The following TACC2 variants were observed in gnomAD, a reference collection of about 807,000 sequenced individuals.
The protein encoded by TACC2 is transforming acidic coiled-coil containing protein 2.
In TACC2, 137 loss-of-function variants were observed where a neutral mutation model predicts 227.3. The observed-to-expected ratio is 0.60, with a 90% CI of 0.52 to 0.69. The LOEUF (loss-of-function observed/expected upper bound fraction) is 0.69. Ranked by LOEUF, TACC2 falls within the 30% of genes least tolerant of loss-of-function variation. The pLI, the probability that TACC2 is intolerant of heterozygous loss-of-function variation, is 0.00. For synonymous variants in TACC2, 1,523 were observed against 1,487.5 expected, an observed-to-expected ratio of 1.02 and a Z score of -0.55; for missense variants, 3,470 against 3,694.4, an observed-to-expected ratio of 0.94 and a Z score of 1.57.
chr10:122,249,817 G>A (rs1228577263), intron 22 of TACC2, among the ~76,000 whole-genome samples, 153 bp downstream of exon 22: 1 of 152,252 alleles, frequency 6.6e-6, no homozygotes, highest in Non-Finnish European at 1.5e-5. Flanking sequence ...CCTTCTAGAA[G>A]TTCCAATTTC....
chr10:122,055,831 C>A (rs1034065339), intron 3 of TACC2, among the ~76,000 whole-genome samples: 1 of 152,176 alleles, frequency 6.6e-6, no homozygotes, highest in Non-Finnish European at 1.5e-5. Flanking sequence ...TGTGCGTATG[C>A]GGGCAATAGG....
rs568345788 is a variant in TACC2, at chr10:122,029,224, T to C, written c.33+7210T>C. Among the ~76,000 whole-genome samples, 19 of 151,990 alleles carry C rather than the reference T, an allele frequency of 1.3e-4. No homozygotes were observed. The East Asian group carries it at 3.7e-3, about 30-fold the overall frequency. ...AGGAAGTTCTCTATTCCTAGTTTGC[T>C]GTGGGTTTTTATCATGAATGAGTGT... On this transcript the variant is annotated intron_variant, in intron 2 of 22. Coordinates refer to ENST00000369005, the MANE Select transcript of TACC2 (RefSeq NM_206862.4).
Position 122,249,544 on chromosome 10 carries a change from G to C in TACC2, c.8661G>C (p.Arg2887Ser). Reference protein sequence around the residue: ...LKVHAEEKLDRANAEIAQVRG... With the variant: ...LKVHAEEKLDSANAEIAQVRG... ...AATTCTGAGCTCCCTGTCTCCGCAGGGCCAATGCTGAGATTGCTCAGGTTC... is the reference window on the plus strand; with the variant it reads ...AATTCTGAGCTCCCTGTCTCCGCAGCGCCAATGCTGAGATTGCTCAGGTTC... The change falls in exon 22 of 23, where the codon AGG (arginine) becomes AGC (serine). Residue 2887 changes from arginine (R) to serine (S), a missense_variant and splice_region_variant. This residue lies in a region of TACC2 where 89 missense variants were observed against 91.4 expected (regional missense o/e 0.97). Coordinates refer to ENST00000369005, the MANE Select transcript of TACC2 (RefSeq NM_206862.4). 1 of 1,613,992 alleles carries C rather than the reference G, an allele frequency of 6.2e-7. No individual in the cohort carries two copies. The highest frequency in any genetic ancestry group is 8.5e-7 in the Non-Finnish European group (1 of 1,179,920).
At chr10:122,057,833 A>T (rs777116444) in intron 3 of TACC2, among the ~76,000 whole-genome samples, 1 of 152,124 alleles carries the variant, frequency 6.6e-6, no homozygotes, top group Admixed American at 6.6e-5. Context: ...TCTCAAAAAA[A>T]CAAAAACAAA....
intron 7 of TACC2, among the ~76,000 whole-genome samples, chr10:122,170,740 C>T (rs1021978413): frequency 6.6e-6 from 1 of 152,202 alleles, no homozygotes; most frequent in African/African-American, 2.4e-5. Context: ...TTGCTAGCGC[C>T]TCCAGGCCCT....
chr10:122,005,258 A>G (rs1954927294), intron 1 of TACC2, among the ~76,000 whole-genome samples: 2 of 150,966 alleles, frequency 1.3e-5, no homozygotes, highest in African/African-American at 4.9e-5. Flanking sequence ...AGTTTTTTGT[A>G]TTTTTAATAG....
At chr10:122,142,090 C>G (rs2090655003) in intron 6 of TACC2, among the ~76,000 whole-genome samples, 1 of 152,206 alleles carries the variant, frequency 6.6e-6, no homozygotes, top group Non-Finnish European at 1.5e-5. Context: ...TCTGTGAATC[C>G]ACTTTGCTGT....
Position 122,210,195 on chromosome 10 carries a change from C to G in TACC2, c.5972-202C>G. 1.6e-6 allele frequency: 1 copy of G among 612,592 alleles called. No individual in the cohort carries two copies. Among genetic ancestry groups the G allele is most frequent in the South Asian group, 2.0e-5 (1 of 50,614 alleles). The allele number at this position is 612,592 out of a possible 1,614,324, so 37.9% of individuals were successfully genotyped here. Reference sequence around the variant, plus strand: ...TCCTCATTGTACAGATGAGGGAACTCTGGGCGAACCTGGCCTGGGTCTTGA... The same window carrying G: ...TCCTCATTGTACAGATGAGGGAACTGTGGGCGAACCTGGCCTGGGTCTTGA... On this transcript the variant is annotated intron_variant, in intron 8 of 22. Transcript: ENST00000369005. This position sits in a 1 kb window ranked among gnomAD's most constrained non-coding sequence, Gnocchi z 4.6.
At chr10:122,126,352 T>C (rs1021497586) in intron 5 of TACC2, among the ~76,000 whole-genome samples, 6 of 45,440 alleles carry the variant, frequency 1.3e-4, no homozygotes, top group East Asian at 7.6e-4. Flanking sequence ...GTGTGTTTGA[T>C]GTTCAAATAG....
intron 1 of TACC2, chr10:121,994,800 T>C (rs908460884): frequency 6.6e-6 from 1 of 152,236 alleles, no homozygotes; most frequent in African/African-American, 2.4e-5. Flanking sequence ...GATAAAAGCA[T>C]TGCTTGTTTG....
intron 5 of TACC2, among the ~76,000 whole-genome samples, chr10:122,122,358 A>T (rs1565361991): frequency 2.6e-5 from 4 of 152,294 alleles, no homozygotes; most frequent in African/African-American, 4.8e-5. Flanking sequence ...TCCGTCTCAA[A>T]AAATAAATAA....
rs915433777 is a variant in TACC2 at position 122,249,610 on chromosome 10, C to G, written c.8727C>G (p.Ser2909Arg). ...AQQEQAAHQA[S>R]LRKEQLRVDA... is the part of the protein sequence containing the mutation. ...AGGAGCAAGCCGCCCACCAGGCCAG[C>G]CTGCGGAAGGAGCAGCTGCGAGTGG... Residue 2909 changes from serine (S) to arginine (R), a missense_variant, in exon 22 of 23, where the codon AGC becomes AGG. By Grantham distance (110) the Ser-to-Arg change is moderately radical. Coordinates refer to ENST00000369005, the MANE Select transcript of TACC2 (RefSeq NM_206862.4). 2 of 1,613,906 alleles carry G rather than the reference C, an allele frequency of 1.2e-6. No homozygotes were observed. The highest frequency in any genetic ancestry group is 1.7e-6 in the Non-Finnish European group (2 of 1,179,952).
In TACC2 at chr10:122,210,772, G is replaced by A. The variant is rs199969252; in HGVS notation, c.6347G>A (p.Gly2116Asp). 172 of 1,613,836 alleles carry A rather than the reference G, an allele frequency of 1.1e-4. No homozygotes were observed. The highest frequency in any genetic ancestry group is 1.4e-4 in the Non-Finnish European group (165 of 1,180,016). ...VALAPDAYST[G>D]SSSASSTLKR... ...CTTGCCCCAGATGCATATAGCACGG[G>A]TTCCAGCAGTGCTTCTAGTACCCTT... Residue 2116 changes from glycine (G) to aspartate (D), a missense_variant, in exon 9 of 23, where the codon GGT becomes GAT. Gly to Asp is a moderately conservative substitution (Grantham distance 94, BLOSUM62 -1). This residue lies in a region of TACC2 where 593 missense variants were observed against 636.6 expected (regional missense o/e 0.93). Coordinates refer to ENST00000369005, the MANE Select transcript of TACC2 (RefSeq NM_206862.4). The surrounding 1 kb of genome is among the most constrained non-coding windows in gnomAD (Gnocchi z 4.6).
chr10:122,222,839 C>T (rs1277802658), intron 11 of TACC2, among the ~76,000 whole-genome samples: 1 of 152,200 alleles, frequency 6.6e-6, no homozygotes, highest in Non-Finnish European at 1.5e-5. Flanking sequence ...TCTGTTACAT[C>T]ATTTAGGGCA....
intron 9 of TACC2, chr10:122,213,206 C>A: frequency 1.2e-6 from 1 of 836,322 alleles, no homozygotes; most frequent in Non-Finnish European, 1.9e-6. Flanking sequence ...CCAGCAGCTC[C>A]TTCCAAAAAG....
At chr10:122,038,601 T>C (rs1211060859) in intron 2 of TACC2, among the ~76,000 whole-genome samples, 1 of 152,140 alleles carries the variant, frequency 6.6e-6, no homozygotes, top group Non-Finnish European at 1.5e-5. Context: ...TGGGCGTACT[T>C]GAGGTTGGAA....
Position 122,084,510 on chromosome 10 carries a change from G to C in TACC2, c.2010G>C (p.Leu670=), listed in dbSNP as rs1026545025. 2.5e-6 allele frequency: 4 copies of C among 1,613,368 alleles called. No individual in the cohort carries two copies. The highest frequency in any genetic ancestry group is 3.4e-6 in the Non-Finnish European group (4 of 1,180,012). The part of the protein sequence containing the change: ...PHKLGEEDPV[L]PPVPDGAGEP... ...AGCTGGGTGAGGAGGACCCCGTCCTGCCCCCTGTGCCAGATGGAGCTGGTG... is the reference window on the plus strand; with the variant it reads ...AGCTGGGTGAGGAGGACCCCGTCCTCCCCCCTGTGCCAGATGGAGCTGGTG... The change falls in exon 4 of 23, where the codon CTG becomes CTC. Residue 670 remains leucine (L), a synonymous_variant. Coordinates refer to ENST00000369005, the MANE Select transcript of TACC2 (RefSeq NM_206862.4).
At chr10:122,067,575 T>C (rs2459071) in intron 3 of TACC2, among the ~76,000 whole-genome samples, 136,286 of 149,256 alleles carry the variant, frequency 0.91, 63,131 homozygotes, top group East Asian at 1. Context: ...GGCCTGATCT[T>C]GGCTCACTGC....
At position 122,211,616 on chromosome 10, in the gene TACC2, C is replaced by T. The variant is rs1346266225; in HGVS notation, c.7191C>T (p.Ser2397=). ...GCTCACCTTCTAAATCCCCAGCCTC[C>T]TTTGAGATCCCAGCCAGTGCTATGG... ...TPSSPSKSPA[S]FEIPASAMEA... The change falls in exon 9 of 23, where the codon TCC becomes TCT. Residue 2397 remains serine (S), a synonymous_variant. Coordinates refer to ENST00000369005, the MANE Select transcript of TACC2 (RefSeq NM_206862.4). 3 of 1,613,650 alleles carry T rather than the reference C, an allele frequency of 1.9e-6. No homozygotes were observed. Among genetic ancestry groups the T allele is most frequent in the Non-Finnish European group, 2.5e-6 (3 of 1,179,810 alleles).
Sources: gnomAD v4.1 joint callset for allele counts (sites outside exome capture counted in the v4.1 genomes callset) on GRCh38, gnomAD v4.1.1 for gene constraint, gnomAD v4.1.1 regional missense constraint, Gnocchi (gnomAD v3.1) non-coding constraint, MANE v1.5 for transcripts, NCBI Gene and HGNC (gene_info 2026-07-23, HGNC 2026-07-21) for gene names.